The following ABLIM1 variants were observed in gnomAD, a reference collection of about 807,000 sequenced individuals.
ABLIM1 encodes the protein actin-binding LIM protein 1.
In ABLIM1, 40 loss-of-function variants were observed where a neutral mutation model predicts 107.0. The ratio of observed to expected loss-of-function variants is 0.37; its 90% CI spans 0.29 to 0.49. The LOEUF is 0.49. ABLIM1 is among the 20% of genes least tolerant of loss of function. ABLIM1 has a pLI of 0.97. For missense variants in ABLIM1, 857 were observed against 1,008.5 expected, an observed-to-expected ratio of 0.85 and a Z score of 2.04; for synonymous variants, 357 against 357.3, an observed-to-expected ratio of 1.00 and a Z score of 0.01.
chr10:114,579,485 A>T (rs2073090628), intron 2 of ABLIM1, among the ~76,000 whole-genome samples: 1 of 152,370 alleles, frequency 6.6e-6, no homozygotes, highest in South Asian at 2.1e-4. Flanking sequence ...TAACATAAAC[A>T]GAACCATTAA....
chr10:114,787,425 G>A, the ABLIM1 span, among the ~76,000 whole-genome samples: 2 of 149,524 alleles, frequency 1.3e-5, no homozygotes, highest in Non-Finnish European at 3.0e-5. Flanking sequence ...CCCCCCGCCC[G>A]GCCAGCCGCC....
chr10:114,693,826 C>CTT (rs5788078), intron 1 of ABLIM1, among the ~76,000 whole-genome samples: 3,103 of 134,030 alleles, frequency 0.023, 105 homozygotes, highest in African/African-American at 0.081. Flanking sequence ...TTTAAAAAAA[C>CTT]TTTTTTTTTT....
intron 6 of ABLIM1, among the ~76,000 whole-genome samples, chr10:114,523,119 C>G (rs2064019947): frequency 6.6e-6 from 1 of 152,102 alleles, no homozygotes; most frequent in African/African-American, 2.4e-5. Context: ...CCACTGCACT[C>G]CAGCCTGGGT....
At chr10:114,437,747 T>A (rs2059625833) in intron 22 of ABLIM1, 97 bp downstream of exon 22, 1 of 1,047,820 alleles carries the variant, frequency 9.5e-7, no homozygotes, top group African/African-American at 1.6e-5. Flanking sequence ...ATAATTTTTT[T>A]TTGTTTTCAC....
intron 1 of ABLIM1, among the ~76,000 whole-genome samples, chr10:114,731,712 C>T (rs183351991): frequency 6.0e-4 from 92 of 152,140 alleles, no homozygotes; most frequent in African/African-American, 2.2e-3. Flanking sequence ...TAGGTTCAAG[C>T]GATTCTCCTG....
rs1256588330 is a variant in ABLIM1, at chr10:114,436,152, A to G, written c.*108T>C. On this transcript the variant is annotated 3_prime_UTR_variant, in exon 23 of 23. Transcript: ENST00000533213. ...AGACTTTCTCTTTTTGGTGTTGCTG[A>G]GCGACGGTAGTTTGCAAATTCTCCA... 59 of 801,254 alleles carry G rather than the reference A, an allele frequency of 7.4e-5. No individual in the cohort carries two copies. In the South Asian group the frequency reaches 9.8e-4, roughly 13 times the overall value. 49.6% of individuals were successfully genotyped at this position (801,254 alleles called of 1,614,324 possible).
chr10:114,613,785 G>A, intron 1 of ABLIM1: 2 of 1,278,122 alleles, frequency 1.6e-6, no homozygotes, highest in Non-Finnish European at 2.1e-6. Context: ...TAAACACCTA[G>A]GCTCCTGACT....
chr10:114,731,843 C>G (rs1369264514), intron 1 of ABLIM1, among the ~76,000 whole-genome samples: 2 of 152,180 alleles, frequency 1.3e-5, no homozygotes, highest in African/African-American at 4.8e-5. Context: ...CCCCTGGCCT[C>G]AAATGATCCA....
At chr10:114,720,216 T>A (rs889836009) in intron 1 of ABLIM1, among the ~76,000 whole-genome samples, 31 of 152,240 alleles carry the variant, frequency 2.0e-4, no homozygotes, top group Non-Finnish European at 3.5e-4. Flanking sequence ...TTCCTTTTTA[T>A]GGCTGCATAG....
At chr10:114,497,813 G>A (rs1171570708) in intron 6 of ABLIM1, among the ~76,000 whole-genome samples, 2 of 151,992 alleles carry the variant, frequency 1.3e-5, no homozygotes, top group Non-Finnish European at 2.9e-5. Flanking sequence ...GCTTATTTAG[G>A]TGAGTTTTAC....
intron 8 of ABLIM1, chr10:114,485,345 A>G: frequency 6.2e-7 from 1 of 1,613,380 alleles, no homozygotes; most frequent in Non-Finnish European, 8.5e-7. Context: ...TTTTGGAATA[A>G]AAGAAATCGG....
At chr10:114,583,404 A>AACACACACAC (rs1164587300) in intron 2 of ABLIM1, among the ~76,000 whole-genome samples, 3 of 71,372 alleles carry the variant, frequency 4.2e-5, no homozygotes, top group Admixed American at 1.9e-4. Flanking sequence ...GAGAAAAGGG[A>AACACACACAC]ACACACACAC....
chr10:114,475,643 A>G (rs2056242595), intron 8 of ABLIM1, among the ~76,000 whole-genome samples: 1 of 152,218 alleles, frequency 6.6e-6, no homozygotes, highest in Admixed American at 6.5e-5. Flanking sequence ...GAGCCTAACT[A>G]TATAGAGAGT....
chr10:114,433,579 T>A lies in ABLIM1; in HGVS notation c.*2681A>T, dbSNP rs1474539899. The A allele has an allele frequency of 1.3e-5, 2 of 152,216 alleles. No homozygotes were observed. The highest frequency in any genetic ancestry group is 2.9e-5 in the Non-Finnish European group (2 of 68,034). 9.4% of individuals were successfully genotyped at this position (152,216 alleles called of 1,614,324 possible). ...TATGGTACTTGATATGGAAAGAAGC[T>A]TTTTTTCTTCTCAAGTTGGATGCAG... On this transcript the variant is annotated 3_prime_UTR_variant, in exon 23 of 23. Transcript: ENST00000533213.
chr10:114,798,938 G>C, the ABLIM1 span, among the ~76,000 whole-genome samples: 10 of 152,168 alleles, frequency 6.6e-5, no homozygotes, highest in South Asian at 2.1e-3. Context: ...TGGGACTACA[G>C]GTGCGTGCCA....
At position 114,443,672 on chromosome 10, in the gene ABLIM1, TAAAAAAA is replaced by T. The variant is rs11418258; in HGVS notation, c.1933+350_1933+356del. Among the ~76,000 whole-genome samples, 3 of 107,370 alleles carry T rather than the reference TAAAAAAA, an allele frequency of 2.8e-5. No homozygotes were observed. In the South Asian group the frequency reaches 1.0e-3, roughly 37 times the overall value. The allele number at this position is 107,370 out of a possible 152,430, so 70.4% of individuals were successfully genotyped here. A position where few individuals can be genotyped will look rare whatever the true frequency, so the allele number is the denominator to read the frequency against. On this transcript the variant is annotated intron_variant, in intron 17 of 22. Transcript: ENST00000533213. ...TAGAAAATGTCTTATTCATGTTATC[TAAAAAAA>T]AAAAAAAAAAAAAAGAAGAAGAAGA...
At chr10:114,673,405 T>C (rs2080343837) in intron 1 of ABLIM1, among the ~76,000 whole-genome samples, 1 of 152,202 alleles carries the variant, frequency 6.6e-6, no homozygotes, top group Non-Finnish European at 1.5e-5. Context: ...CCAAAACCCT[T>C]ACTATGGTAT....
the ABLIM1 span, among the ~76,000 whole-genome samples, chr10:114,792,250 G>T: frequency 2.6e-5 from 4 of 152,200 alleles, no homozygotes; most frequent in South Asian, 6.2e-4. Context: ...GAGCCTGGGA[G>T]GGAGAGGTTG....
At chr10:114,513,784 A>T (rs1462266316) in intron 6 of ABLIM1, among the ~76,000 whole-genome samples, 1 of 152,238 alleles carries the variant, frequency 6.6e-6, no homozygotes, top group Non-Finnish European at 1.5e-5. Flanking sequence ...AAAGGTGTCG[A>T]TGCCAACACT....
Sources: allele counts gnomAD v4.1 joint callset (sites outside exome capture counted in the v4.1 genomes callset), GRCh38; gene constraint gnomAD v4.1.1; transcripts MANE v1.5; gene names NCBI Gene and HGNC (gene_info 2026-07-23, HGNC 2026-07-21).